CCDC141: variants seen among roughly 807,000 people sequenced by gnomAD.
CCDC141 encodes coiled-coil domain-containing protein 141.
In CCDC141, 168 loss-of-function variants were observed where a neutral mutation model predicts 181.0. That is an observed-to-expected ratio of 0.93 (90% CI 0.82 to 1.05). The LOEUF (loss-of-function observed/expected upper bound fraction) is 1.05. CCDC141 is among the 50% of genes least tolerant of loss of function. The pLI is 0.00. For missense variants in CCDC141, 1,902 were observed against 1,788.5 expected (o/e 1.06, Z -1.14); for synonymous variants, 666 against 642.3 (o/e 1.04, Z -0.56).
intron 2 of CCDC141, among the ~76,000 whole-genome samples, chr2:179,017,202 T>C (rs1466277990): frequency 6.6e-6 from 1 of 152,010 alleles, no homozygotes; most frequent in Non-Finnish European, 1.5e-5. Flanking sequence ...GTTCTCCACA[T>C]CTTTCTTTCT....
chr2:178,985,847 T>C (rs1691703152), intron 2 of CCDC141, among the ~76,000 whole-genome samples: 1 of 151,268 alleles, frequency 6.6e-6, no homozygotes, highest in Non-Finnish European at 1.5e-5. Context: ...CCAAAAAGAG[T>C]CCAGGACCAG....
intron 17 of CCDC141, among the ~76,000 whole-genome samples, chr2:178,858,790 A>G (rs543960311): frequency 3.9e-5 from 6 of 152,278 alleles, no homozygotes; most frequent in East Asian, 1.9e-4. Flanking sequence ...AATGTGACAT[A>G]TATCAGAAAA....
chr2:178,948,213 A>T (rs1429902497), intron 5 of CCDC141, among the ~76,000 whole-genome samples: 3 of 152,078 alleles, frequency 2.0e-5, no homozygotes, highest in Non-Finnish European at 2.9e-5. Flanking sequence ...ATAAAAAAAA[A>T]AAAGTTAGTA....
intron 14 of CCDC141, 97 bp from the exon 15 acceptor site, chr2:178,869,402 AT>A: frequency 1.2e-6 from 1 of 844,942 alleles, no homozygotes; most frequent in Non-Finnish European, 1.7e-6. Context: ...TCACTCTTTC[AT>A]TTGTTAACAA....
At chr2:179,029,354 A>G (rs1202993395) in intron 2 of CCDC141, among the ~76,000 whole-genome samples, 5 of 152,186 alleles carry the variant, frequency 3.3e-5, no homozygotes, top group African/African-American at 9.7e-5. Flanking sequence ...CCATTGTGGG[A>G]CTTGGGCATA....
intron 7 of CCDC141, among the ~76,000 whole-genome samples, chr2:178,916,878 C>T (rs2154374362): frequency 6.6e-6 from 1 of 151,978 alleles, no homozygotes; most frequent in Non-Finnish European, 1.5e-5. Flanking sequence ...AAATTCTCTA[C>T]TCCAATCTGA....
At chr2:178,822,323 G>A in the CCDC141 span, among the ~76,000 whole-genome samples, 1 of 151,436 alleles carries the variant, frequency 6.6e-6, no homozygotes, top group Non-Finnish European at 1.5e-5. Flanking sequence ...GAGTTAATGG[G>A]TGCAGCACAG....
chr2:179,040,554 G>A (rs1208172031), intron 2 of CCDC141, among the ~76,000 whole-genome samples: 1 of 152,026 alleles, frequency 6.6e-6, no homozygotes, highest in Non-Finnish European at 1.5e-5. Flanking sequence ...CCTCTGACAG[G>A]CACCAGTGTG....
At chr2:178,817,594 A>G in the CCDC141 span, 1 of 471,022 alleles carries the variant, frequency 2.1e-6, no homozygotes, top group Non-Finnish European at 4.4e-6. Flanking sequence ...GATCTTCTGG[A>G]CACTGTGCAG....
intron 8 of CCDC141, among the ~76,000 whole-genome samples, chr2:178,892,131 T>C (rs1687184209): frequency 6.6e-6 from 1 of 152,174 alleles, no homozygotes; most frequent in African/African-American, 2.4e-5. Flanking sequence ...CTTGTAGAAG[T>C]TTTAGGCTAT....
intron 22 of CCDC141, 85 bp downstream of exon 22, chr2:178,845,541 C>T: frequency 1.3e-6 from 1 of 756,346 alleles, no homozygotes; most frequent in Middle Eastern, 3.7e-4. Flanking sequence ...AAGAAAGCTG[C>T]AATTCACTTT....
At chr2:178,953,630 A>T (rs1270694362) in intron 5 of CCDC141, among the ~76,000 whole-genome samples, 1 of 152,180 alleles carries the variant, frequency 6.6e-6, no homozygotes, top group East Asian at 1.9e-4. Flanking sequence ...AAGTATTTTC[A>T]CTCAAACCTT....
chr2:179,014,406 C>A (rs1235086246), intron 2 of CCDC141, among the ~76,000 whole-genome samples: 1 of 152,046 alleles, frequency 6.6e-6, no homozygotes, highest in Non-Finnish European at 1.5e-5. Context: ...GCAATAAAAA[C>A]AAACATAAAT....
chr2:178,884,255 A>AAAAAG (rs201331232), intron 11 of CCDC141, among the ~76,000 whole-genome samples: 1 of 150,830 alleles, frequency 6.6e-6, no homozygotes, highest in Non-Finnish European at 1.5e-5. Context: ...AAAAAAAAAA[A>AAAAAG]CCAGAATCTC....
At chr2:178,962,673 A>T (rs1422498564) in intron 4 of CCDC141, among the ~76,000 whole-genome samples, 3 of 138,582 alleles carry the variant, frequency 2.2e-5, no homozygotes, top group Admixed American at 8.0e-5. Context: ...TGTCTCTCTC[A>T]CACACACACG....
chr2:178,985,579 T>C (rs1308102676), intron 2 of CCDC141, among the ~76,000 whole-genome samples: 3 of 150,458 alleles, frequency 2.0e-5, no homozygotes, highest in South Asian at 4.2e-4. Flanking sequence ...GCAAGACTAA[T>C]AAAGAAAAAA....
intron 2 of CCDC141, among the ~76,000 whole-genome samples, chr2:178,984,479 T>C (rs1407465676): frequency 4.0e-5 from 6 of 151,666 alleles, no homozygotes; most frequent in South Asian, 2.1e-4. Flanking sequence ...TAACTTTAAA[T>C]GTAAATGGAC....
chr2:178,921,534 T>G (rs956025769), intron 6 of CCDC141, among the ~76,000 whole-genome samples: 1 of 151,044 alleles, frequency 6.6e-6, no homozygotes, highest in East Asian at 1.9e-4. Context: ...GTAAAACAGG[T>G]TTTTTTTTGT....
intron 8 of CCDC141, among the ~76,000 whole-genome samples, chr2:178,895,672 A>G (rs1687372994): frequency 1.3e-5 from 2 of 152,190 alleles, no homozygotes; most frequent in African/African-American, 4.8e-5. Flanking sequence ...AGACATGAAA[A>G]TATTTGGAAA....
Sources: allele counts gnomAD v4.1 joint callset (sites outside exome capture counted in the v4.1 genomes callset), GRCh38; gene constraint gnomAD v4.1.1; transcripts MANE v1.5; gene names NCBI Gene and HGNC (gene_info 2026-07-23, HGNC 2026-07-21).